SCD5: variants seen among roughly 807,000 people sequenced by gnomAD.
SCD5 encodes stearoyl-CoA desaturase 5.
Under a neutral mutation model 30.4 loss-of-function variants are expected in SCD5, and 20 were observed. The ratio of observed to expected loss-of-function variants is 0.66; its 90% confidence interval spans 0.46 to 0.96. SCD5 has a LOEUF of 0.96. SCD5 is among the 40% of genes least tolerant of loss of function. The pLI is 0.00. For synonymous variants in SCD5, 173 were observed against 176.4 expected (o/e 0.98, Z 0.16); for missense variants, 381 against 443.3 (o/e 0.86, Z 1.26).
intron 1 of SCD5, among the ~76,000 whole-genome samples, chr4:82,758,162 C>T (rs571198358): frequency 1.3e-5 from 2 of 152,284 alleles, no homozygotes; most frequent in African/African-American, 4.8e-5. Flanking sequence ...GAGGGGGAGG[C>T]CCACAGAACA....
In SCD5 at chr4:82,715,702, G is replaced by A. The variant is rs141935468; in HGVS notation, c.233-10289C>T. On this transcript the variant is annotated intron_variant, in intron 1 of 4. Transcript: ENST00000319540. ...GCCTTGGTGTGGGAAATGAGGTCTC[G>A]TGAAGGAAAAGAGATGCATTGATAA... Among the ~76,000 whole-genome samples, 23 of 151,768 alleles carry A rather than the reference G, an allele frequency of 1.5e-4. No homozygotes were observed. The East Asian group carries it at 3.3e-3, about 22-fold the overall frequency.
At chr4:82,714,132 C>T (rs1484918970) in intron 1 of SCD5, among the ~76,000 whole-genome samples, 1 of 152,236 alleles carries the variant, frequency 6.6e-6, no homozygotes, top group African/African-American at 2.4e-5. Flanking sequence ...ATTATTCCCA[C>T]AGCCTACAGC....
At chr4:82,679,259 AGAAGGAAGGAAAGAAAGAAAGAAGGAAG>A (rs201885613) in intron 3 of SCD5, among the ~76,000 whole-genome samples, 5 of 109,288 alleles carry the variant, frequency 4.6e-5, no homozygotes, top group African/African-American at 1.4e-4. Context: ...AAAGAAAGAA[AGAAGGAAGGAAAGAAAGAAAGAAGGAAG>A]GAAAGAAAGA....
At chr4:82,713,073 A>G (rs894516818) in intron 1 of SCD5, among the ~76,000 whole-genome samples, 1 of 152,200 alleles carries the variant, frequency 6.6e-6, no homozygotes, top group African/African-American at 2.4e-5. Flanking sequence ...CCACTAAGCC[A>G]TCGTCTACTG....
intron 3 of SCD5, among the ~76,000 whole-genome samples, chr4:82,655,927 G>A (rs1035550652): frequency 6.6e-6 from 1 of 152,100 alleles, no homozygotes; most frequent in African/African-American, 2.4e-5. Context: ...TGAGTTCCAA[G>A]TTGCTGGGTT....
chr4:82,774,883 C>A (rs1721714011), intron 1 of SCD5, among the ~76,000 whole-genome samples: 1 of 152,172 alleles, frequency 6.6e-6, no homozygotes, highest in Non-Finnish European at 1.5e-5. Flanking sequence ...GCTTTAGAGG[C>A]ACCAACAGGG....
intron 3 of SCD5, among the ~76,000 whole-genome samples, chr4:82,639,826 G>A (rs1452764615): frequency 1.3e-5 from 2 of 152,304 alleles, no homozygotes; most frequent in Non-Finnish European, 2.9e-5. Context: ...TCCTTCCTCC[G>A]CTCTTTGGAT....
intron 1 of SCD5, among the ~76,000 whole-genome samples, chr4:82,758,804 A>G (rs1721284455): frequency 6.6e-6 from 1 of 152,152 alleles, no homozygotes; most frequent in Admixed American, 6.5e-5. Context: ...CTCAGGAAAG[A>G]AGGACTGACA....
chr4:82,715,048 C>T (rs1720195985), intron 1 of SCD5, among the ~76,000 whole-genome samples: 1 of 151,192 alleles, frequency 6.6e-6, no homozygotes. Flanking sequence ...ACCAGCCTGG[C>T]CAACATGATG....
chr4:82,648,646 G>C (rs1490216894), intron 3 of SCD5, among the ~76,000 whole-genome samples: 2 of 152,104 alleles, frequency 1.3e-5, no homozygotes, highest in South Asian at 2.1e-4. Context: ...ATTAAATTTT[G>C]CTGGCCCATC....
At chr4:82,666,565 G>C (rs1453596558) in intron 3 of SCD5, among the ~76,000 whole-genome samples, 6 of 151,464 alleles carry the variant, frequency 4.0e-5, no homozygotes, top group Non-Finnish European at 7.4e-5. Context: ...TAGATTAAAA[G>C]ATTACTCTAC....
intron 1 of SCD5, among the ~76,000 whole-genome samples, chr4:82,711,418 T>C (rs935807393): frequency 6.6e-6 from 1 of 152,186 alleles, no homozygotes; most frequent in African/African-American, 2.4e-5. Context: ...AAGCTGCCTA[T>C]GTACAGAATA....
At position 82,630,955 on chromosome 4, in the gene SCD5, A is replaced by C. The variant is rs903140819; in HGVS notation, c.*372T>G. On this transcript the variant is annotated 3_prime_UTR_variant, in exon 5 of 5. Coordinates refer to ENST00000319540, the MANE Select transcript of SCD5 (RefSeq NM_001037582.3). ...GAAACCCTGTCTCTACTAAAAATAC[A>C]AAAAAATTAGCTGGGTGTGGTGGCA... 1.9e-5 allele frequency: 3 copies of C among 157,238 alleles called. No individual in the cohort carries two copies. Among genetic ancestry groups the C allele is most frequent in the African/African-American group, 7.2e-5 (3 of 41,432 alleles). The allele number at this position is 157,238 out of a possible 1,614,324, so 9.7% of individuals were successfully genotyped here.
chr4:82,776,707 G>A (rs1382698895), intron 1 of SCD5, among the ~76,000 whole-genome samples: 1 of 152,196 alleles, frequency 6.6e-6, no homozygotes, highest in African/African-American at 2.4e-5. Context: ...AAACCTGTGG[G>A]AGTCTCACAA....
chr4:82,643,630 T>C (rs1727586070), intron 3 of SCD5, among the ~76,000 whole-genome samples: 1 of 152,220 alleles, frequency 6.6e-6, no homozygotes, highest in Non-Finnish European at 1.5e-5. Context: ...AAGTTTTCTG[T>C]ATAGTGGTGA....
At chr4:82,733,960 A>C (rs1425440980) in intron 1 of SCD5, among the ~76,000 whole-genome samples, 1 of 152,238 alleles carries the variant, frequency 6.6e-6, no homozygotes, top group Non-Finnish European at 1.5e-5. Context: ...CCCTGCTTAC[A>C]CAGGTGCAAG....
intron 1 of SCD5, among the ~76,000 whole-genome samples, chr4:82,790,800 TAAAG>T (rs2148854246): frequency 6.7e-6 from 1 of 148,478 alleles, no homozygotes; most frequent in East Asian, 2.0e-4. Context: ...TAGCATAAAA[TAAAG>T]AAAAAAAAAA....
At chr4:82,664,999 C>CTCTCTCTCTCTA (rs1219554314) in intron 3 of SCD5, among the ~76,000 whole-genome samples, 77 of 70,478 alleles carry the variant, frequency 1.1e-3, no homozygotes, top group African/African-American at 1.4e-3. Context: ...CTCTCTCTCT[C>CTCTCTCTCTCTA]TATATATATA....
At chr4:82,759,049 C>CGGCCA (rs1721291405) in intron 1 of SCD5, among the ~76,000 whole-genome samples, 1 of 152,256 alleles carries the variant, frequency 6.6e-6, no homozygotes, top group African/African-American at 2.4e-5. Flanking sequence ...CTTCAGCTCC[C>CGGCCA]GGCCATCTCG....
Sources: gnomAD v4.1 joint callset for allele counts (sites outside exome capture counted in the v4.1 genomes callset) on GRCh38, gnomAD v4.1.1 for gene constraint, MANE v1.5 for transcripts, NCBI Gene and HGNC (gene_info 2026-07-23, HGNC 2026-07-21) for gene names.